MGAT4C: variants seen among roughly 807,000 people sequenced by gnomAD.
MGAT4C encodes the protein alpha-1,3-mannosyl-glycoprotein 4-beta-N-acetylglucosaminyltransferase C.
In MGAT4C, 19 loss-of-function variants were observed where a neutral mutation model predicts 40.1. That is an observed-to-expected ratio of 0.47 (90% CI 0.33 to 0.70). The LOEUF is 0.70. Ranked by LOEUF, MGAT4C falls within the 30% of genes least tolerant of loss-of-function variation. MGAT4C has a pLI of 0.02. For missense variants in MGAT4C, 491 were observed against 563.2 expected (o/e 0.87, Z 1.30); for synonymous variants, 181 against 187.1 (o/e 0.97, Z 0.27).
At chr12:86,121,229 A>G (rs1377841716) in intron 1 of MGAT4C, among the ~76,000 whole-genome samples, 1 of 152,220 alleles carries the variant, frequency 6.6e-6, no homozygotes, top group East Asian at 1.9e-4. Flanking sequence ...AAAGCCTCCA[A>G]GAAATATGGG....
intron 1 of MGAT4C, among the ~76,000 whole-genome samples, chr12:86,153,771 A>T (rs756166465): frequency 6.6e-6 from 1 of 152,098 alleles, no homozygotes; most frequent in African/African-American, 2.4e-5. Context: ...TTCTGCCATG[A>T]TTGTAAGTTT....
chr12:86,164,149 G>A (rs839120), intron 1 of MGAT4C, among the ~76,000 whole-genome samples: 121,491 of 152,064 alleles, frequency 0.8, 48,980 homozygotes, highest in East Asian at 1. Flanking sequence ...AAGGTTTATA[G>A]AGAGTTAAAG....
At chr12:86,007,655 T>A (rs535480839) in intron 2 of MGAT4C, among the ~76,000 whole-genome samples, 1 of 151,920 alleles carries the variant, frequency 6.6e-6, no homozygotes, top group South Asian at 2.1e-4. Context: ...AACAAAAAAC[T>A]AATTGGTTTC....
chr12:86,218,206 C>T (rs989263052), intron 1 of MGAT4C, among the ~76,000 whole-genome samples: 2 of 151,902 alleles, frequency 1.3e-5, no homozygotes, highest in African/African-American at 4.8e-5. Flanking sequence ...AAGTTAAATC[C>T]TAATAGAAGA....
At chr12:86,111,590 T>C (rs1387270510) in intron 1 of MGAT4C, among the ~76,000 whole-genome samples, 1 of 151,864 alleles carries the variant, frequency 6.6e-6, no homozygotes, top group Non-Finnish European at 1.5e-5. Flanking sequence ...TTTCCTGCAC[T>C]GTAGATATGT....
chr12:86,321,021 T>A (rs1021148475), intron 4 of MGAT4C, among the ~76,000 whole-genome samples: 4 of 152,084 alleles, frequency 2.6e-5, no homozygotes, highest in Non-Finnish European at 5.9e-5. Flanking sequence ...ACTTCTAATT[T>A]CATATTCTAA....
At chr12:86,614,614 G>A (rs966420670) in intron 2 of MGAT4C, among the ~76,000 whole-genome samples, 1 of 151,574 alleles carries the variant, frequency 6.6e-6, no homozygotes, top group African/African-American at 2.4e-5. Flanking sequence ...CTGATTACCT[G>A]AAAACAAGTG....
chr12:86,404,395 T>C (rs767095743), intron 3 of MGAT4C, among the ~76,000 whole-genome samples: 5 of 152,146 alleles, frequency 3.3e-5, no homozygotes, highest in Non-Finnish European at 7.3e-5. Context: ...TTTGCATATG[T>C]GACTAAGGAT....
chr12:86,231,277 G>A (rs1951312607), intron 1 of MGAT4C, among the ~76,000 whole-genome samples: 1 of 152,130 alleles, frequency 6.6e-6, no homozygotes, highest in Non-Finnish European at 1.5e-5. Flanking sequence ...TAAGCTAAAA[G>A]AGATAACTTA....
At chr12:86,580,938 T>C (rs897239963) in intron 2 of MGAT4C, among the ~76,000 whole-genome samples, 12 of 151,488 alleles carry the variant, frequency 7.9e-5, no homozygotes, top group African/African-American at 2.9e-4. Flanking sequence ...ATGGTTAGCC[T>C]ACCTAATAAG....
intron 3 of MGAT4C, among the ~76,000 whole-genome samples, chr12:85,987,916 A>T (rs1885433867): frequency 6.6e-6 from 1 of 152,208 alleles, no homozygotes; most frequent in Admixed American, 6.5e-5. Flanking sequence ...CAAGAAATAA[A>T]TTTTTATTAT....
intron 1 of MGAT4C, among the ~76,000 whole-genome samples, chr12:86,155,862 T>C (rs1884871113): frequency 6.6e-6 from 1 of 152,206 alleles, no homozygotes; most frequent in African/African-American, 2.4e-5. Flanking sequence ...AGTGCTGGCC[T>C]TGACTTTCTA....
At chr12:86,426,743 C>G (rs991076052) in intron 3 of MGAT4C, among the ~76,000 whole-genome samples, 4 of 152,104 alleles carry the variant, frequency 2.6e-5, no homozygotes, top group Admixed American at 2.6e-4. Context: ...GTCAGGAGAT[C>G]GAGACCATCC....
intron 2 of MGAT4C, among the ~76,000 whole-genome samples, chr12:86,603,366 C>A (rs1961861493): frequency 2.4e-5 from 3 of 126,472 alleles, no homozygotes; most frequent in Non-Finnish European, 3.2e-5. Context: ...ATAGTATATG[C>A]TATATACTAT....
intron 2 of MGAT4C, among the ~76,000 whole-genome samples, chr12:86,533,742 T>C (rs1021500957): frequency 2.6e-5 from 4 of 151,838 alleles, no homozygotes; most frequent in Non-Finnish European, 4.4e-5. Flanking sequence ...AATTGACTGA[T>C]GGACCCCCCT....
In MGAT4C at chr12:85,967,593, TA is replaced by T. The variant is rs916917669; in HGVS notation, c.*11695del. 2 of 152,098 alleles carry T rather than the reference TA, an allele frequency of 1.3e-5. No homozygotes were observed. Among genetic ancestry groups the T allele is most frequent in the Non-Finnish European group, 2.9e-5 (2 of 67,984 alleles). 9.4% of individuals were successfully genotyped at this position (152,098 alleles called of 1,614,324 possible). On this transcript the variant is annotated 3_prime_UTR_variant, in exon 5 of 5. Transcript: ENST00000611864. ...TTATTTTGAGGTGTATCCATTTATT[TA>T]AAAAAGCCTCATTTTAGCTAGCAAC...
chr12:86,438,726 C>G (rs4344563), intron 2 of MGAT4C, among the ~76,000 whole-genome samples: 135,078 of 151,780 alleles, frequency 0.89, 60,303 homozygotes, highest in East Asian at 1. Flanking sequence ...GTCTTCAAGA[C>G]ACACACCTAA....
At chr12:86,172,411 C>G (rs1449224954) in intron 1 of MGAT4C, among the ~76,000 whole-genome samples, 1 of 152,034 alleles carries the variant, frequency 6.6e-6, no homozygotes, top group African/African-American at 2.4e-5. Context: ...TTCATTTTAA[C>G]AAATATTGTG....
At position 86,756,870 on chromosome 12, in the gene MGAT4C, G is replaced by A. The variant is rs183335370; in HGVS notation, c.-261-29629C>T. Among the ~76,000 whole-genome samples, 55 of 152,202 alleles carry A rather than the reference G, an allele frequency of 3.6e-4. 1 individual carries two copies. The highest frequency in any genetic ancestry group is 1.3e-3 in the African/African-American group (54 of 41,542). On this transcript the variant is annotated intron_variant, in intron 1 of 7. Coordinates refer to the MGAT4C transcript ENST00000548651. The stretch of plus-strand genomic sequence containing the variant: ...CTGAAAGATAACTTCCTAAATCTAA[G>A]CAGCAGCTAGGTTTCCAATGGGAAA...
Sources: allele counts gnomAD v4.1 joint callset (sites outside exome capture counted in the v4.1 genomes callset), GRCh38; gene constraint gnomAD v4.1.1; transcripts MANE v1.5; gene names NCBI Gene and HGNC (gene_info 2026-07-23, HGNC 2026-07-21).